IRGM: variants seen among roughly 807,000 people sequenced by gnomAD.
IRGM encodes immunity related GTPase M.
For missense variants in IRGM, 288 were observed against 219.9 expected (o/e 1.31, Z -1.96); for synonymous variants, 98 against 80.6 (o/e 1.22, Z -1.16).
At chr5:150,879,882 T>A (rs190692828) in intron 3 of IRGM, among the ~76,000 whole-genome samples, 8 of 152,294 alleles carry the variant, frequency 5.3e-5, no homozygotes, top group African/African-American at 1.9e-4. Flanking sequence ...GTTGAAGCAG[T>A]ATATTGTAAG....
chr5:150,859,497 G>T (rs985018623), intron 1 of IRGM, among the ~76,000 whole-genome samples: 39 of 152,318 alleles, frequency 2.6e-4, no homozygotes, highest in Non-Finnish European at 5.6e-4. Flanking sequence ...GTTTCAGAAG[G>T]AATGGTACCA....
chr5:150,853,612 T>C (rs1754006876), downstream of IRGM, among the ~76,000 whole-genome samples: 1 of 152,122 alleles, frequency 6.6e-6, no homozygotes, highest in South Asian at 2.1e-4. Flanking sequence ...ATAATTATTA[T>C]ATCTTAGAAC....
chr5:150,880,723 A>G (rs904850582), intron 3 of IRGM, among the ~76,000 whole-genome samples: 2 of 152,206 alleles, frequency 1.3e-5, no homozygotes, highest in Non-Finnish European at 2.9e-5. Context: ...CATGTGGGAA[A>G]ATGTTTCATA....
At chr5:150,862,129 T>C (rs1215355858) in intron 1 of IRGM, among the ~76,000 whole-genome samples, 1 of 152,248 alleles carries the variant, frequency 6.6e-6, no homozygotes, top group East Asian at 1.9e-4. Context: ...GAATTCATTT[T>C]TTCAAGAGTT....
intron 3 of IRGM, among the ~76,000 whole-genome samples, chr5:150,893,352 A>G (rs1240947798): frequency 6.6e-6 from 1 of 152,196 alleles, no homozygotes; most frequent in Non-Finnish European, 1.5e-5. Flanking sequence ...TAAGAAGTCT[A>G]ATAAGTTATC....
intron 1 of IRGM, among the ~76,000 whole-genome samples, chr5:150,861,396 C>T (rs1754133990): frequency 2.0e-5 from 3 of 152,204 alleles, no homozygotes; most frequent in Non-Finnish European, 4.4e-5. Context: ...AGGCTTAGGA[C>T]AGGAAGTAGC....
chr5:150,869,808 G>A (rs1446944458), intron 1 of IRGM, among the ~76,000 whole-genome samples: 3 of 152,040 alleles, frequency 2.0e-5, no homozygotes, highest in African/African-American at 4.8e-5. Flanking sequence ...AATGCCAAAC[G>A]ACCACAGAAG....
intron 1 of IRGM, among the ~76,000 whole-genome samples, chr5:150,859,656 G>A (rs1046439210): frequency 2.6e-5 from 4 of 152,142 alleles, no homozygotes; most frequent in African/African-American, 9.7e-5. Flanking sequence ...TTAGTCTTGG[G>A]AGGATGTATG....
At chr5:150,884,460 G>A (rs955187340) in intron 3 of IRGM, among the ~76,000 whole-genome samples, 4 of 152,178 alleles carry the variant, frequency 2.6e-5, no homozygotes, top group African/African-American at 9.6e-5. Context: ...TGATTTGAAT[G>A]GTAGTTTTGC....
intron 1 of IRGM, among the ~76,000 whole-genome samples, chr5:150,856,928 T>A (rs1046592349): frequency 1.3e-5 from 2 of 148,394 alleles, no homozygotes; most frequent in African/African-American, 2.5e-5. Flanking sequence ...TTATTTATTA[T>A]TTATTATTTT....
At chr5:150,866,473 T>A (rs1469858117) in intron 1 of IRGM, among the ~76,000 whole-genome samples, 1 of 152,182 alleles carries the variant, frequency 6.6e-6, no homozygotes, top group Non-Finnish European at 1.5e-5. Context: ...ACCAATGCAG[T>A]GACAGATGCC....
intron 1 of IRGM, among the ~76,000 whole-genome samples, chr5:150,859,918 G>A (rs1392000437): frequency 6.6e-6 from 1 of 152,114 alleles, no homozygotes; most frequent in Non-Finnish European, 1.5e-5. Context: ...TGTACAGGAT[G>A]ACAACTAAGA....
downstream of IRGM, among the ~76,000 whole-genome samples, chr5:150,853,446 T>C (rs539189627): frequency 6.6e-6 from 1 of 152,216 alleles, no homozygotes; most frequent in South Asian, 2.1e-4. Context: ...GTCCAATTGG[T>C]CTGCAGAATT....
At chr5:150,892,539 C>T (rs892053261) in intron 3 of IRGM, among the ~76,000 whole-genome samples, 4 of 152,050 alleles carry the variant, frequency 2.6e-5, no homozygotes, top group African/African-American at 4.8e-5. Flanking sequence ...CTCTTCCTTT[C>T]CAGGTTGCAA....
intron 3 of IRGM, among the ~76,000 whole-genome samples, chr5:150,879,807 TCAAGGGTA>T (rs1170327751): frequency 6.6e-6 from 1 of 152,170 alleles, no homozygotes; most frequent in East Asian, 1.9e-4. Flanking sequence ...AAGGTAAAAT[TCAAGGGTA>T]CACTTACTTC....
intron 1 of IRGM, among the ~76,000 whole-genome samples, chr5:150,859,970 C>T (rs1754112923): frequency 6.6e-6 from 1 of 152,174 alleles, no homozygotes; most frequent in South Asian, 2.1e-4. Flanking sequence ...GGGAGGATAG[C>T]TTGACCCTGG....
chr5:150,898,332 G>C (rs1754871316), intron 3 of IRGM: 2 of 1,599,784 alleles, frequency 1.3e-6, no homozygotes, highest in African/African-American at 1.3e-5. Context: ...GGTCATAAAA[G>C]TCATGACATA....
intron 1 of IRGM, among the ~76,000 whole-genome samples, chr5:150,875,135 G>A (rs1754345608): frequency 6.6e-6 from 1 of 152,202 alleles, no homozygotes; most frequent in South Asian, 2.1e-4. Flanking sequence ...CCCTCAGCCT[G>A]CACTGTTGGT....
At chr5:150,861,511 A>G (rs567979431) in intron 1 of IRGM, among the ~76,000 whole-genome samples, 1 of 152,352 alleles carries the variant, frequency 6.6e-6, no homozygotes, top group East Asian at 1.9e-4. Flanking sequence ...GTTGTTCATT[A>G]GTATCATCAA....
Sources: gnomAD v4.1 joint callset for allele counts (sites outside exome capture counted in the v4.1 genomes callset) on GRCh38, gnomAD v4.1.1 for gene constraint, MANE v1.5 for transcripts, NCBI Gene and HGNC (gene_info 2026-07-23, HGNC 2026-07-21) for gene names.